The following PRKAG2 variants were observed in gnomAD, a reference collection of about 807,000 sequenced individuals.
PRKAG2 encodes 5'-AMP-activated protein kinase subunit gamma-2.
A neutral mutation model predicts 69.6 loss-of-function variants in PRKAG2; 26 were observed. The observed-to-expected ratio is 0.37, with a 90% CI of 0.27 to 0.52. The LOEUF is 0.52. Ranked by LOEUF, PRKAG2 falls within the 20% of genes least tolerant of loss-of-function variation. PRKAG2 has a pLI of 0.90. For missense variants in PRKAG2, 557 were observed against 740.0 expected, an observed-to-expected ratio of 0.75 and a Z score of 2.87; for synonymous variants, 293 against 285.0, an observed-to-expected ratio of 1.03 and a Z score of -0.28.
chr7:151,851,341 CAAAAAAAAAAAAGA>C (rs979933197), intron 1 of PRKAG2, among the ~76,000 whole-genome samples: 120 of 114,580 alleles, frequency 1.0e-3, no homozygotes, highest in Admixed American at 4.0e-3. Context: ...GGGCCTCTGG[CAAAAAAAAAAAAGA>C]AAAAAAAAAA....
intron 3 of PRKAG2, among the ~76,000 whole-genome samples, chr7:151,730,121 G>C (rs116679437): frequency 6.6e-6 from 1 of 152,156 alleles, no homozygotes; most frequent in African/African-American, 2.4e-5. Context: ...GAATGCATAC[G>C]TGAAATGGTG....
At chr7:151,709,872 A>C (rs940304214) in intron 3 of PRKAG2, among the ~76,000 whole-genome samples, 1 of 151,936 alleles carries the variant, frequency 6.6e-6, no homozygotes, top group African/African-American at 2.4e-5. Flanking sequence ...GAGTGACGTG[A>C]GACTGACATT....
chr7:151,623,306 G>A (rs1821959644), intron 5 of PRKAG2, among the ~76,000 whole-genome samples: 1 of 140,080 alleles, frequency 7.1e-6, no homozygotes, highest in Non-Finnish European at 1.5e-5. Flanking sequence ...GGAGCTTGCA[G>A]TGAGCCGAGA....
intron 3 of PRKAG2, chr7:151,734,219 C>G (rs992605987): frequency 1.3e-5 from 2 of 152,252 alleles, no homozygotes; most frequent in African/African-American, 4.8e-5. Context: ...GCGGATATAG[C>G]AAGAAATACA....
At chr7:151,612,924 C>T (rs916919837) in intron 5 of PRKAG2, among the ~76,000 whole-genome samples, 5 of 152,312 alleles carry the variant, frequency 3.3e-5, no homozygotes, top group South Asian at 2.1e-4. Flanking sequence ...AGCCAGGTAG[C>T]GGCAGCCTCC....
chr7:151,741,039 T>G (rs1014127290), intron 3 of PRKAG2, among the ~76,000 whole-genome samples: 2 of 152,180 alleles, frequency 1.3e-5, no homozygotes, highest in African/African-American at 4.8e-5. Context: ...TAACAAAAAT[T>G]GTTTTCTCGA....
At chr7:151,602,166 G>A (rs1177381239) in intron 5 of PRKAG2, among the ~76,000 whole-genome samples, 2 of 152,214 alleles carry the variant, frequency 1.3e-5, no homozygotes, top group African/African-American at 4.8e-5. Context: ...TGGAATTGGC[G>A]CAAAACAAAA....
chr7:151,763,891 G>C (rs2075578363), intron 3 of PRKAG2, among the ~76,000 whole-genome samples: 1 of 152,240 alleles, frequency 6.6e-6, no homozygotes, highest in Non-Finnish European at 1.5e-5. Context: ...GCTCCCCTTG[G>C]AGCTTGCAGG....
At position 151,780,929 on chromosome 7, in the gene PRKAG2, C is replaced by T. The variant is rs1457460695; in HGVS notation, c.466+223G>A. On this transcript the variant is annotated intron_variant, in intron 3 of 15. Transcript: ENST00000287878. The surrounding 1 kb of genome is among the most constrained non-coding windows in gnomAD (Gnocchi z 4.2). ...GGACCTTGCTGGACCAGAAGGATTA[C>T]GCTTTGATAGATTAGCATGGGAAGA... Among the ~76,000 whole-genome samples, 27 of 152,096 alleles carry T rather than the reference C, an allele frequency of 1.8e-4. No individual in the cohort carries two copies. Among genetic ancestry groups the T allele is most frequent in the Admixed American group, 6.5e-5 (1 of 15,272 alleles).
At chr7:151,588,284 C>T (rs2151097882) in intron 6 of PRKAG2, among the ~76,000 whole-genome samples, 1 of 150,954 alleles carries the variant, frequency 6.6e-6, no homozygotes, top group Admixed American at 6.6e-5. Flanking sequence ...ATGGGAGGGA[C>T]CCAGTGGGAG....
At chr7:151,743,209 C>T (rs1375972797) in intron 3 of PRKAG2, among the ~76,000 whole-genome samples, 2 of 152,138 alleles carry the variant, frequency 1.3e-5, no homozygotes, top group South Asian at 2.1e-4. Context: ...AAATAGGAAC[C>T]GTATTTTCTA....
At position 151,631,990 on chromosome 7, in the gene PRKAG2, G is replaced by A. The variant is rs953928868; in HGVS notation, c.754+79C>T. ...CGTGGGGCAGCGCCGGAGATGGGGC[G>A]CGGGGTCCCCGCGGGTCCCGGTCCT... On this transcript the variant is annotated intron_variant, in intron 5 of 15. Transcript: ENST00000287878. The A allele has an allele frequency of 5.3e-6, 6 of 1,138,616 alleles. No individual in the cohort carries two copies. In the African/African-American group the frequency reaches 8.3e-5, roughly 16 times the overall value. The allele number at this position is 1,138,616 out of a possible 1,614,324, so 70.5% of individuals were successfully genotyped here. A position where few individuals can be genotyped will look rare whatever the true frequency, so the allele number is the denominator to read the frequency against.
intron 3 of PRKAG2, among the ~76,000 whole-genome samples, chr7:151,726,389 C>T (rs936124062): frequency 8.3e-5 from 12 of 144,824 alleles, no homozygotes; most frequent in Admixed American, 7.6e-4. Flanking sequence ...CACACACACA[C>T]ACACACACAC....
At position 151,836,260 on chromosome 7, in the gene PRKAG2, C is replaced by T. The variant is rs1238330281; in HGVS notation, c.114+40247G>A. Among the ~76,000 whole-genome samples, 1 of 152,172 alleles carries T rather than the reference C, an allele frequency of 6.6e-6. No homozygotes were observed. The highest frequency in any genetic ancestry group is 6.5e-5 in the Admixed American group (1 of 15,272). ...CGGGGGAGCAGGGGCTGCGTCAGGA[C>T]CCCCTTTCTGCCACCCCCAGCACCA... On this transcript the variant is annotated intron_variant, in intron 1 of 15. Coordinates refer to ENST00000287878, the MANE Select transcript of PRKAG2 (RefSeq NM_016203.4). This position sits in a 1 kb window ranked among gnomAD's most constrained non-coding sequence, Gnocchi z 4.1.
At position 151,719,568 on chromosome 7, in the gene PRKAG2, C is replaced by T. The variant is rs1257946906; in HGVS notation, c.467-43931G>A. Reference sequence around the variant, plus strand: ...GGGTCAGAAAGAAGATGCCCCCTGTCTTCTGCCTCCTACCCTCATCCTTCC... The same window carrying T: ...GGGTCAGAAAGAAGATGCCCCCTGTTTTCTGCCTCCTACCCTCATCCTTCC... On this transcript the variant is annotated intron_variant, in intron 3 of 15. Transcript: ENST00000287878. This position sits in a 1 kb window ranked among gnomAD's most constrained non-coding sequence, Gnocchi z 5.2. Among the ~76,000 whole-genome samples the T allele has an allele frequency of 1.3e-5, 2 of 152,152 alleles. No homozygotes were observed. The highest frequency in any genetic ancestry group is 2.9e-5 in the Non-Finnish European group (2 of 68,032).
At chr7:151,862,790 C>T (rs993329181) in intron 1 of PRKAG2, among the ~76,000 whole-genome samples, 7 of 152,138 alleles carry the variant, frequency 4.6e-5, no homozygotes, top group Admixed American at 2.0e-4. Context: ...GCAGGGGGCA[C>T]TGGTAGGTCC....
intron 5 of PRKAG2, among the ~76,000 whole-genome samples, chr7:151,616,127 C>T (rs1021575726): frequency 1.3e-5 from 2 of 152,208 alleles, no homozygotes; most frequent in Non-Finnish European, 2.9e-5. Context: ...GTGGTGGGGG[C>T]GTGAAGCAAA....
intron 6 of PRKAG2, among the ~76,000 whole-genome samples, chr7:151,580,023 T>G (rs1809966016): frequency 6.6e-6 from 1 of 152,004 alleles, no homozygotes; most frequent in Non-Finnish European, 1.5e-5. Context: ...GCAGAGAAAA[T>G]TGTCACCAAC....
At chr7:151,855,253 A>ACACACACCGCCCTCCACACACACCG (rs1563757105) in intron 1 of PRKAG2, among the ~76,000 whole-genome samples, 18 of 13,034 alleles carry the variant, frequency 1.4e-3, no homozygotes, top group Non-Finnish European at 2.5e-3. Context: ...CACACACACC[A>ACACACACCGCCCTCCACACACACCG]CCCTCCACAC....
Sources: allele counts gnomAD v4.1 joint callset (sites outside exome capture counted in the v4.1 genomes callset), GRCh38; gene constraint gnomAD v4.1.1; non-coding constraint Gnocchi (gnomAD v3.1); transcripts MANE v1.5; gene names NCBI Gene and HGNC (gene_info 2026-07-23, HGNC 2026-07-21).